Variants in LDHC observed in about 807,000 individuals in gnomAD.
LDHC encodes lactate dehydrogenase C.
Under a neutral mutation model 30.2 loss-of-function variants are expected in LDHC, and 20 were observed. The observed-to-expected ratio is 0.66, with a 90% confidence interval of 0.47 to 0.96. LDHC has a LOEUF of 0.96. Among genes scored for constraint, LDHC ranks in the 40% least tolerant of loss-of-function variants. The pLI, the probability that LDHC is intolerant of heterozygous loss-of-function variation, is 0.00. For missense variants in LDHC, 362 were observed against 394.9 expected (o/e 0.92, Z 0.71); for synonymous variants, 139 against 132.7 (o/e 1.05, Z -0.32).
chr11:18,432,294 A>T (rs1242393181), intron 4 of LDHC, among the ~76,000 whole-genome samples: 1 of 152,140 alleles, frequency 6.6e-6, no homozygotes, highest in Admixed American at 6.6e-5. Context: ...TTTGGAGTTG[A>T]TGTCCAGTTT....
chr11:18,436,489 T>G (rs1025026629), intron 5 of LDHC, among the ~76,000 whole-genome samples: 1 of 146,366 alleles, frequency 6.8e-6, no homozygotes, highest in African/African-American at 2.5e-5. Flanking sequence ...AAGTTTTTTT[T>G]TTTTTTTTTT....
At chr11:18,450,783 G>A (rs1848642415) in intron 7 of LDHC, 180 bp from the exon 8 acceptor site, 2 of 480,468 alleles carry the variant, frequency 4.2e-6, no homozygotes, top group Non-Finnish European at 7.2e-6. Flanking sequence ...CTGAATGTAA[G>A]TTCCACATGG....
At position 18,425,928 on chromosome 11, in the gene LDHC, G is replaced by A. The variant is rs548585736; in HGVS notation, c.245-3809G>A. Among the ~76,000 whole-genome samples the A allele has an allele frequency of 2.2e-3, 324 of 149,810 alleles. 1 individual carries two copies. The highest frequency in any genetic ancestry group is 7.4e-3 in the African/African-American group (298 of 40,496). ...TGCACTCCAGCCTGGGCAACAGAGCGAGACTCTGTCTCAGAAAAAAAAAGA... is the reference window on the plus strand; with the variant it reads ...TGCACTCCAGCCTGGGCAACAGAGCAAGACTCTGTCTCAGAAAAAAAAAGA... On this transcript the variant is annotated intron_variant, in intron 3 of 7. Transcript: ENST00000541669.
chr11:18,416,803 A>C (rs1590222906), intron 3 of LDHC, among the ~76,000 whole-genome samples: 9 of 118,978 alleles, frequency 7.6e-5, no homozygotes, highest in East Asian at 2.4e-4. Context: ...TCTCCCCTCT[A>C]CTCACCTCCC....
chr11:18,437,306 C>T (rs143107640), intron 5 of LDHC, among the ~76,000 whole-genome samples: 362 of 152,324 alleles, frequency 2.4e-3, no homozygotes, highest in African/African-American at 7.6e-3. Context: ...AAAATGCCTC[C>T]TATACCACAC....
intron 3 of LDHC, among the ~76,000 whole-genome samples, chr11:18,425,854 T>C (rs886714014): frequency 6.6e-6 from 1 of 150,944 alleles, no homozygotes; most frequent in Non-Finnish European, 1.5e-5. Context: ...GGCAGGAGAA[T>C]GGCATGAACC....
intron 3 of LDHC, among the ~76,000 whole-genome samples, chr11:18,417,343 C>T (rs1456277667): frequency 6.6e-6 from 1 of 152,222 alleles, no homozygotes; most frequent in Non-Finnish European, 1.5e-5. Flanking sequence ...TAAAGTACTA[C>T]AAGAAATTTA....
At position 18,412,765 on chromosome 11, in the gene LDHC, T is replaced by C. The variant is rs148713975; in HGVS notation, c.48T>C (p.Asp16=). ...EQLIEKLIED[D]ENSQCKITIV... is the part of the protein sequence containing the mutation. ...TAATTGAGAAGCTAATTGAGGATGA[T>C]GAAAACTCCCAGTGTAAAATTACTA... is the stretch of plus-strand genomic sequence containing the variant. Residue 16 remains aspartate, a synonymous_variant, in exon 2 of 8, where the codon GAT becomes GAC. Coordinates refer to ENST00000541669, the MANE Select transcript of LDHC (RefSeq NM_017448.5). The C allele has an allele frequency of 6.8e-6, 11 of 1,613,912 alleles. No individual in the cohort carries two copies. The highest frequency in any genetic ancestry group is 8.5e-6 in the Non-Finnish European group (10 of 1,179,872).
At chr11:18,447,494 C>T (rs1848575148) in intron 7 of LDHC, among the ~76,000 whole-genome samples, 1 of 151,906 alleles carries the variant, frequency 6.6e-6, no homozygotes, top group African/African-American at 2.4e-5. Flanking sequence ...GGAGTGGGAG[C>T]AGAAGGTTTC....
At chr11:18,447,915 G>A (rs1262455209) in intron 7 of LDHC, among the ~76,000 whole-genome samples, 3 of 151,916 alleles carry the variant, frequency 2.0e-5, no homozygotes, top group Non-Finnish European at 4.4e-5. Context: ...TGAGTATGGT[G>A]GTGCACGCCT....
intron 6 of LDHC, among the ~76,000 whole-genome samples, chr11:18,445,998 A>C (rs928938708): frequency 6.6e-6 from 1 of 152,176 alleles, no homozygotes; most frequent in Admixed American, 6.6e-5. Flanking sequence ...ATAATAATCA[A>C]TAAAAAAGTA....
At chr11:18,430,308 T>C (rs1267075419) in intron 4 of LDHC, among the ~76,000 whole-genome samples, 1 of 152,206 alleles carries the variant, frequency 6.6e-6, no homozygotes, top group African/African-American at 2.4e-5. Flanking sequence ...AGTATTCTTT[T>C]GTTTATACAT....
intron 5 of LDHC, among the ~76,000 whole-genome samples, chr11:18,435,747 ATG>A (rs1383343531): frequency 3.9e-5 from 6 of 152,156 alleles, no homozygotes; most frequent in Non-Finnish European, 7.4e-5. Flanking sequence ...TCAGCCCAAA[ATG>A]AAATCCGCAT....
chr11:18,412,985 C>A (rs77405133), intron 2 of LDHC, 142 bp downstream of exon 2: 62,812 of 356,064 alleles, frequency 0.18, 5,571 homozygotes, highest in Middle Eastern at 0.29. Flanking sequence ...CTCCCTCCCT[C>A]CCTTCCTTCC....
chr11:18,425,630 C>T (rs1396171714), intron 3 of LDHC, among the ~76,000 whole-genome samples: 11 of 151,736 alleles, frequency 7.2e-5, no homozygotes, highest in African/African-American at 2.7e-4. Context: ...AAATATTTCA[C>T]AATAGAACAT....
Position 18,442,254 on chromosome 11 carries a change from A to C in LDHC, c.710+3609A>C, listed in dbSNP as rs1021015140. On this transcript the variant is annotated intron_variant, in intron 6 of 7. Transcript: ENST00000541669. Reference sequence around the variant, plus strand: ...CTATGATAGTTAATAGTCCACATTTATCTTAACTAATTTTTATATCTAGAA... The same window carrying C: ...CTATGATAGTTAATAGTCCACATTTCTCTTAACTAATTTTTATATCTAGAA... Among the ~76,000 whole-genome samples the C allele has an allele frequency of 1.6e-4, 25 of 152,278 alleles. No homozygotes were observed. The Middle Eastern group carries it at 0.014, about 83-fold the overall frequency.
chr11:18,412,989 T>TCCCTCCCTCCCTTCCTC (rs1866924413), intron 2 of LDHC, 146 bp downstream of exon 2: 4 of 305,490 alleles, frequency 1.3e-5, no homozygotes, highest in African/African-American at 9.0e-5. Context: ...CTCCCTCCCT[T>TCCCTCCCTCCCTTCCTC]CCTTCCTTCC....
At chr11:18,429,294 G>T (rs1464233408) in intron 3 of LDHC, among the ~76,000 whole-genome samples, 2 of 151,910 alleles carry the variant, frequency 1.3e-5, no homozygotes, top group Admixed American at 6.6e-5. Flanking sequence ...TGTATTTTTA[G>T]TAGAGACAGG....
At chr11:18,439,824 A>AC (rs1390839346) in intron 6 of LDHC, among the ~76,000 whole-genome samples, 22 of 142,308 alleles carry the variant, frequency 1.5e-4, no homozygotes, top group South Asian at 1.3e-3. Context: ...AAAAAAAAAA[A>AC]AAAAAAAAAA....
Sources: gnomAD v4.1 joint callset for allele counts (sites outside exome capture counted in the v4.1 genomes callset) on GRCh38, gnomAD v4.1.1 for gene constraint, MANE v1.5 for transcripts, NCBI Gene and HGNC (gene_info 2026-07-23, HGNC 2026-07-21) for gene names.